The following MYLK variants were observed in gnomAD, a reference collection of about 807,000 sequenced individuals.
MYLK encodes myosin light chain kinase, smooth muscle.
Under a neutral mutation model 203.4 loss-of-function variants are expected in MYLK, and 106 were observed. That is an observed-to-expected ratio of 0.52 (90% CI 0.45 to 0.61). The LOEUF (loss-of-function observed/expected upper bound fraction) is 0.61. Among genes scored for constraint, MYLK ranks in the 20% least tolerant of loss-of-function variants. The pLI, the probability that MYLK is intolerant of heterozygous loss-of-function variation, is 0.00. For missense variants in MYLK, 2,072 were observed against 2,442.3 expected, an observed-to-expected ratio of 0.85 and a Z score of 3.20; for synonymous variants, 867 against 959.5, an observed-to-expected ratio of 0.90 and a Z score of 1.78.
intron 4 of MYLK, among the ~76,000 whole-genome samples, chr3:123,766,363 C>A (rs1025629051): frequency 6.6e-6 from 1 of 152,228 alleles, no homozygotes; most frequent in African/African-American, 2.4e-5. Flanking sequence ...GGCTCGCAGC[C>A]TCGAGGCCCA....
At chr3:123,781,409 G>A (rs1424730015) in intron 4 of MYLK, among the ~76,000 whole-genome samples, 1 of 152,222 alleles carries the variant, frequency 6.6e-6, no homozygotes, top group Non-Finnish European at 1.5e-5. Context: ...AGCTCTCCTG[G>A]AGGGTGCTGT....
At chr3:123,689,119 T>C (rs1160776363) in intron 19 of MYLK, among the ~76,000 whole-genome samples, 12 of 152,148 alleles carry the variant, frequency 7.9e-5, no homozygotes, top group Non-Finnish European at 1.8e-4. Context: ...ATCACAATCA[T>C]GCATGACCCT....
chr3:123,663,203 C>G (rs1192713156), intron 23 of MYLK, among the ~76,000 whole-genome samples: 1 of 152,150 alleles, frequency 6.6e-6, no homozygotes, highest in Non-Finnish European at 1.5e-5. Flanking sequence ...CTTGATGCTC[C>G]AGGAGAGAGC....
intron 2 of MYLK, among the ~76,000 whole-genome samples, chr3:123,859,712 C>G (rs2031725667): frequency 6.6e-6 from 1 of 152,102 alleles, no homozygotes; most frequent in African/African-American, 2.4e-5. Context: ...AGGACAAGAA[C>G]AAACAATTCA....
At chr3:123,820,700 T>G (rs908706541) in intron 3 of MYLK, among the ~76,000 whole-genome samples, 6 of 148,890 alleles carry the variant, frequency 4.0e-5, no homozygotes, top group African/African-American at 1.5e-4. Context: ...CCTTCCTTCC[T>G]TCCTTCCTTC....
At chr3:123,619,201 C>A (rs997273009) in intron 32 of MYLK, among the ~76,000 whole-genome samples, 2 of 152,186 alleles carry the variant, frequency 1.3e-5, no homozygotes, top group Non-Finnish European at 2.9e-5. Context: ...AGGTCCTAGC[C>A]GCATCTTTAG....
chr3:123,803,636 C>T (rs527496232), intron 3 of MYLK, among the ~76,000 whole-genome samples: 1 of 152,360 alleles, frequency 6.6e-6, no homozygotes, highest in African/African-American at 2.4e-5. Flanking sequence ...GATCCAAGCC[C>T]AGGCAGGGAT....
intron 4 of MYLK, among the ~76,000 whole-genome samples, chr3:123,785,907 T>C (rs977313755): frequency 2.0e-5 from 3 of 152,234 alleles, no homozygotes; most frequent in African/African-American, 7.2e-5. Context: ...AGTGGGTAGG[T>C]ATCCTATTGG....
chr3:123,823,564 C>T (rs1225322710), intron 3 of MYLK, among the ~76,000 whole-genome samples: 2 of 152,154 alleles, frequency 1.3e-5, no homozygotes, highest in Admixed American at 1.3e-4. Context: ...CCTCCACTGC[C>T]ACCAGCCATC....
At chr3:123,722,039 T>C in intron 13 of MYLK, 89 bp downstream of exon 13, 1 of 1,517,172 alleles carries the variant, frequency 6.6e-7, no homozygotes. Context: ...TTTGAGCTCA[T>C]GATACCATTT....
chr3:123,702,322 G>A (rs1313976234), intron 16 of MYLK, among the ~76,000 whole-genome samples: 2 of 152,160 alleles, frequency 1.3e-5, no homozygotes, highest in Admixed American at 1.3e-4. Context: ...AAGGGGTGGG[G>A]GCAGGTCTGC....
intron 2 of MYLK, among the ~76,000 whole-genome samples, chr3:123,841,385 T>C (rs182939459): frequency 2.0e-5 from 3 of 152,194 alleles, no homozygotes; most frequent in Admixed American, 1.3e-4. Context: ...ATATTGCCTA[T>C]CTTTACATAG....
intron 11 of MYLK, among the ~76,000 whole-genome samples, chr3:123,731,289 G>A (rs1239070064): frequency 1.3e-5 from 2 of 152,220 alleles, no homozygotes; most frequent in African/African-American, 2.4e-5. Context: ...TGAATCAACA[G>A]TATACAGTGA....
At chr3:123,822,042 T>C (rs2065955124) in intron 3 of MYLK, among the ~76,000 whole-genome samples, 1 of 152,140 alleles carries the variant, frequency 6.6e-6, no homozygotes, top group Admixed American at 6.5e-5. Context: ...TAAAAAAAAG[T>C]CCAACCCTCC....
intron 3 of MYLK, among the ~76,000 whole-genome samples, chr3:123,824,621 G>A (rs1441588988): frequency 6.6e-6 from 1 of 151,960 alleles, no homozygotes. Flanking sequence ...GTAAGAGATG[G>A]TTACACTATT....
intron 28 of MYLK, among the ~76,000 whole-genome samples, chr3:123,639,436 C>T (rs1272529317): frequency 6.6e-6 from 1 of 152,204 alleles, no homozygotes; most frequent in Admixed American, 6.5e-5. Context: ...CTACTACCTG[C>T]AGGGTGGTGA....
intron 4 of MYLK, among the ~76,000 whole-genome samples, chr3:123,768,139 C>T (rs1214940920): frequency 1.3e-5 from 2 of 152,214 alleles, no homozygotes; most frequent in Non-Finnish European, 2.9e-5. Context: ...CCAAAAGAAG[C>T]AGGCATGCCT....
intron 2 of MYLK, among the ~76,000 whole-genome samples, chr3:123,838,738 G>A (rs778162292): frequency 6.6e-6 from 1 of 152,118 alleles, no homozygotes; most frequent in Non-Finnish European, 1.5e-5. Flanking sequence ...AAACACTAGA[G>A]CACACACTAC....
At chr3:123,741,871 G>A (rs1432298395) in intron 5 of MYLK, among the ~76,000 whole-genome samples, 2 of 152,038 alleles carry the variant, frequency 1.3e-5, no homozygotes, top group African/African-American at 4.8e-5. Context: ...TATCTCATTC[G>A]TTCCTCAGCA....
Sources: gnomAD v4.1 joint callset for allele counts (sites outside exome capture counted in the v4.1 genomes callset) on GRCh38, gnomAD v4.1.1 for gene constraint, MANE v1.5 for transcripts, NCBI Gene and HGNC (gene_info 2026-07-23, HGNC 2026-07-21) for gene names.